DLGAP1: variants seen among roughly 807,000 people sequenced by gnomAD.
DLGAP1 encodes the protein disks large-associated protein 1.
Under a neutral mutation model 90.8 loss-of-function variants are expected in DLGAP1, and 11 were observed. The observed-to-expected ratio is 0.12, with a 90% CI of 0.08 to 0.20. The LOEUF is 0.20. Among genes scored for constraint, DLGAP1 ranks in the 10% least tolerant of loss-of-function variants. DLGAP1 has a pLI of 1.00. For missense variants in DLGAP1, 1,050 were observed against 1,333.8 expected, an observed-to-expected ratio of 0.79 and a Z score of 3.31; for synonymous variants, 558 against 540.7, an observed-to-expected ratio of 1.03 and a Z score of -0.44.
At position 4,302,510 on chromosome 18, in the gene DLGAP1, AATTTTTTTT is replaced by A. The variant is rs1343442862; in HGVS notation, c.-266-151232_-266-151224del. Reference sequence around the variant, plus strand: ...CCATTGGTCAATGTGTGTATTTTTAAATTTTTTTTATTTTTTATAAAGTACATTTTTTTG... The same window carrying A: ...CCATTGGTCAATGTGTGTATTTTTAAATTTTTTATAAAGTACATTTTTTTG... On this transcript the variant is annotated intron_variant, in intron 1 of 12. Transcript: ENST00000315677. Among the ~76,000 whole-genome samples the A allele has an allele frequency of 4.9e-5, 7 of 143,682 alleles. No homozygotes were observed. The East Asian group carries it at 1.4e-3, about 29-fold the overall frequency. 94.3% of individuals were successfully genotyped at this position (143,682 alleles called of 152,430 possible). A position where few individuals can be genotyped will look rare whatever the true frequency, so the allele number is the denominator to read the frequency against.
chr18:4,172,311 A>T (rs1022407), intron 1 of DLGAP1, among the ~76,000 whole-genome samples: 1 of 152,250 alleles, frequency 6.6e-6, no homozygotes, highest in South Asian at 2.1e-4. Context: ...ATTTGAAATA[A>T]TTTTTCTGTT....
intron 5 of DLGAP1, among the ~76,000 whole-genome samples, chr18:3,789,923 G>A (rs2065647019): frequency 6.6e-6 from 1 of 152,138 alleles, no homozygotes; most frequent in African/African-American, 2.4e-5. Context: ...TATGTTTTAG[G>A]AAATATCATA....
At chr18:4,368,843 T>G (rs1233207159) in intron 1 of DLGAP1, among the ~76,000 whole-genome samples, 1 of 149,964 alleles carries the variant, frequency 6.7e-6, no homozygotes, top group Non-Finnish European at 1.5e-5. Flanking sequence ...CATGGTTCTC[T>G]CTATGTAGAT....
chr18:3,963,957 A>T (rs1331957950), intron 3 of DLGAP1, among the ~76,000 whole-genome samples: 1 of 152,228 alleles, frequency 6.6e-6, no homozygotes, highest in Non-Finnish European at 1.5e-5. Context: ...TAAACATAGC[A>T]TTAAAGTTCA....
intron 5 of DLGAP1, among the ~76,000 whole-genome samples, chr18:3,762,991 G>A (rs1259183293): frequency 6.6e-6 from 1 of 152,202 alleles, no homozygotes; most frequent in Non-Finnish European, 1.5e-5. Flanking sequence ...GCCTGGGAAA[G>A]CTTTGGATTG....
rs1044017549 is a variant in DLGAP1, at chr18:4,134,127, C to T, written c.-159+17053G>A. Among the ~76,000 whole-genome samples the T allele has an allele frequency of 3.3e-5, 5 of 152,090 alleles. No homozygotes were observed. In the South Asian group the frequency reaches 1.0e-3, roughly 32 times the overall value. ...GAAATTTCTAGATTTAAAATTATGA[C>T]ATTACCATGTTAACGAAATTTCCTA... On this transcript the variant is annotated intron_variant, in intron 2 of 12. Coordinates refer to ENST00000315677, the MANE Select transcript of DLGAP1 (RefSeq NM_004746.4).
intron 1 of DLGAP1, among the ~76,000 whole-genome samples, chr18:4,347,245 G>A (rs2081317390): frequency 1.3e-5 from 2 of 151,938 alleles, no homozygotes; most frequent in Admixed American, 6.6e-5. Context: ...CCCAGATAGT[G>A]TCATGGTAAA....
chr18:3,864,798 T>C (rs1184411829), intron 4 of DLGAP1, among the ~76,000 whole-genome samples: 1 of 152,036 alleles, frequency 6.6e-6, no homozygotes, highest in East Asian at 1.9e-4. Context: ...ACCTCTAAGG[T>C]GGCACATGTA....
At chr18:4,206,444 C>A (rs1408823233) in intron 1 of DLGAP1, among the ~76,000 whole-genome samples, 1 of 152,118 alleles carries the variant, frequency 6.6e-6, no homozygotes, top group African/African-American at 2.4e-5. Flanking sequence ...GCTGAGGGCA[C>A]CGGGAAGTGG....
Position 3,729,371 on chromosome 18 carries a change from C to T in DLGAP1, c.1355G>A (p.Ser452Asn), listed in dbSNP as rs766235911. 17 of 1,611,174 alleles carry T rather than the reference C, an allele frequency of 1.1e-5. No individual in the cohort carries two copies. Among genetic ancestry groups the T allele is most frequent in the Non-Finnish European group, 1.4e-5 (17 of 1,177,864 alleles). ...GAACTGCCCGTTCACTTCCATCTCGCTCACCTGCGGGCAGACACAGGCGTT... is the reference window on the plus strand; with the variant it reads ...GAACTGCCCGTTCACTTCCATCTCGTTCACCTGCGGGCAGACACAGGCGTT... ...MRAMSTISQV[S>N]EMEVNGQFES... The change falls in exon 7 of 13, where the codon AGC becomes AAC. Residue 452 changes from serine to asparagine, a missense_variant. Ser to Asn is a conservative substitution (Grantham distance 46, BLOSUM62 1). This residue lies in a region of DLGAP1 where 565 missense variants were observed against 879.7 expected (regional missense o/e 0.64). Transcript: ENST00000315677. This position sits in a 1 kb window ranked among gnomAD's most constrained non-coding sequence, Gnocchi z 6.2.
rs1470857731 is a variant in DLGAP1 at position 3,622,024 on chromosome 18, AC to A, written c.1592-39777del. 2.0e-5 allele frequency among the ~76,000 whole-genome samples: 3 copies of A among 152,146 alleles called. No individual in the cohort carries two copies. The East Asian group carries it at 5.8e-4, about 29-fold the overall frequency. On this transcript the variant is annotated intron_variant, in intron 7 of 12. Coordinates refer to ENST00000315677, the MANE Select transcript of DLGAP1 (RefSeq NM_004746.4). ...GGCTGCTGCTTTGCCAACAGAGGGTACCTGTGGAGCCTCTGATGTGCGTATG... is the reference window on the plus strand; with the variant it reads ...GGCTGCTGCTTTGCCAACAGAGGGTACTGTGGAGCCTCTGATGTGCGTATG...
intron 5 of DLGAP1, among the ~76,000 whole-genome samples, chr18:3,764,743 A>T (rs942054325): frequency 5.3e-5 from 8 of 152,204 alleles, no homozygotes; most frequent in African/African-American, 1.9e-4. Flanking sequence ...TACATTCCTC[A>T]TGGTTCCTAA....
intron 1 of DLGAP1, among the ~76,000 whole-genome samples, chr18:4,231,306 C>T (rs962067509): frequency 6.6e-6 from 1 of 152,238 alleles, no homozygotes; most frequent in Middle Eastern, 3.4e-3. Flanking sequence ...TCTCCATTAG[C>T]CCCCTTTCCA....
chr18:4,042,227 G>A (rs2074985844), intron 2 of DLGAP1, among the ~76,000 whole-genome samples: 1 of 152,130 alleles, frequency 6.6e-6, no homozygotes, highest in African/African-American at 2.4e-5. Flanking sequence ...CACTTGGAAG[G>A]TTTGCAAAAA....
At chr18:3,828,204 T>A (rs937630022) in intron 4 of DLGAP1, among the ~76,000 whole-genome samples, 1 of 152,204 alleles carries the variant, frequency 6.6e-6, no homozygotes, top group African/African-American at 2.4e-5. Context: ...GGGTTGGAGA[T>A]GACAGCCCAG....
At chr18:4,105,486 C>T (rs913948507) in intron 2 of DLGAP1, among the ~76,000 whole-genome samples, 7 of 152,164 alleles carry the variant, frequency 4.6e-5, no homozygotes, top group African/African-American at 1.4e-4. Context: ...CTTCACATTA[C>T]TTCTGATATT....
At chr18:4,089,501 C>T (rs1208758306) in intron 2 of DLGAP1, among the ~76,000 whole-genome samples, 1 of 152,078 alleles carries the variant, frequency 6.6e-6, no homozygotes, top group African/African-American at 2.4e-5. Context: ...CAAGACAATC[C>T]TAAGCAAAAA....
intron 2 of DLGAP1, among the ~76,000 whole-genome samples, chr18:4,057,576 T>G (rs2143217766): frequency 6.6e-6 from 1 of 152,346 alleles, no homozygotes; most frequent in South Asian, 2.1e-4. Context: ...TCAAGTTGCC[T>G]GCTTGGCCCT....
At chr18:4,180,769 C>A (rs1049963978) in intron 1 of DLGAP1, among the ~76,000 whole-genome samples, 1 of 86,440 alleles carries the variant, frequency 1.2e-5, no homozygotes, top group Admixed American at 1.3e-4. Context: ...TTATCATATG[C>A]TCAGAGGTAG....
Sources: allele counts gnomAD v4.1 joint callset (sites outside exome capture counted in the v4.1 genomes callset), GRCh38; gene constraint gnomAD v4.1.1; regional missense constraint gnomAD v4.1.1; non-coding constraint Gnocchi (gnomAD v3.1); transcripts MANE v1.5; gene names NCBI Gene and HGNC (gene_info 2026-07-23, HGNC 2026-07-21).